METTL25: variants seen among roughly 807,000 people sequenced by gnomAD.
The protein encoded by METTL25 is probable methyltransferase-like protein 25.
A neutral mutation model predicts 71.6 loss-of-function variants in METTL25; 64 were observed. The ratio of observed to expected loss-of-function variants is 0.89; its 90% CI spans 0.73 to 1.10. METTL25 has a LOEUF of 1.10. Ranked by LOEUF, METTL25 falls within the 50% of genes least tolerant of loss-of-function variation. METTL25 has a pLI of 0.00. For synonymous variants in METTL25, 287 were observed against 250.3 expected, an observed-to-expected ratio of 1.15 and a Z score of -1.38; for missense variants, 807 against 707.0, an observed-to-expected ratio of 1.14 and a Z score of -1.60.
chr12:82,382,685 A>G (rs1429340450), intron 1 of METTL25, among the ~76,000 whole-genome samples: 1 of 152,176 alleles, frequency 6.6e-6, no homozygotes, highest in Non-Finnish European at 1.5e-5. Flanking sequence ...AGAGACATTA[A>G]TTATTTTATA....
chr12:82,387,007 AC>A (rs773780314), intron 2 of METTL25, 40 bp downstream of exon 2: 6 of 1,501,270 alleles, frequency 4.0e-6, no homozygotes, highest in Non-Finnish European at 5.5e-6. Context: ...CTTTTTAGGT[AC>A]TTAGAAGCAA....
At chr12:82,368,820 C>A (rs1882867480) in intron 1 of METTL25, among the ~76,000 whole-genome samples, 1 of 152,126 alleles carries the variant, frequency 6.6e-6, no homozygotes, top group African/African-American at 2.4e-5. Context: ...TCTATATAAC[C>A]AGTCAGTGGG....
At chr12:82,447,252 T>C (rs1445000905) in intron 8 of METTL25, among the ~76,000 whole-genome samples, 6 of 152,144 alleles carry the variant, frequency 3.9e-5, no homozygotes, top group Non-Finnish European at 8.8e-5. Flanking sequence ...ATATATATAT[T>C]AGACAAAGTC....
chr12:82,373,080 C>T (rs376722998), intron 1 of METTL25, among the ~76,000 whole-genome samples: 4 of 152,232 alleles, frequency 2.6e-5, no homozygotes, highest in African/African-American at 2.4e-5. Context: ...CAAGAAAAAT[C>T]GGATTTAGTG....
Position 82,477,198 on chromosome 12 carries a change from T to C in METTL25, c.1648-83T>C, listed in dbSNP as rs1038086511. 5.0e-5 allele frequency: 31 copies of C among 623,370 alleles called. No homozygotes were observed. In the Admixed American group the frequency reaches 7.5e-4, roughly 15 times the overall value. The allele number at this position is 623,370 out of a possible 1,614,324, so 38.6% of individuals were successfully genotyped here. The stretch of plus-strand genomic sequence containing the variant: ...CTATATAAACTTCTGTAGATACATT[T>C]ATTTAAACATAAGTTTAAGGAAATA... On this transcript the variant is annotated intron_variant, in intron 10 of 11. Coordinates refer to ENST00000248306, the MANE Select transcript of METTL25 (RefSeq NM_032230.3).
Position 82,398,783 on chromosome 12 carries a change from T to G in METTL25, c.532-12T>G. Reference sequence around the variant, plus strand: ...TAAAATTCTTTAATTTATTCTTTTTTTCTAATCTTAGGTGATTGACTTGGG... The same window carrying G: ...TAAAATTCTTTAATTTATTCTTTTTGTCTAATCTTAGGTGATTGACTTGGG... On this transcript the variant is annotated splice_polypyrimidine_tract_variant and intron_variant, in intron 3 of 11. Transcript: ENST00000248306. 7.0e-7 allele frequency: 1 copy of G among 1,428,586 alleles called. No homozygotes were observed. Among genetic ancestry groups the G allele is most frequent in the Non-Finnish European group, 9.2e-7 (1 of 1,089,606 alleles). The allele number at this position is 1,428,586 out of a possible 1,614,324, so 88.5% of individuals were successfully genotyped here. A position where few individuals can be genotyped will look rare whatever the true frequency, so the allele number is the denominator to read the frequency against.
chr12:82,470,133 A>G (rs1246268886), intron 9 of METTL25, among the ~76,000 whole-genome samples: 1 of 152,188 alleles, frequency 6.6e-6, no homozygotes, highest in Non-Finnish European at 1.5e-5. Flanking sequence ...GAAGACAGAA[A>G]TAGGATTTAA....
chr12:82,409,789 G>C (rs779793014), intron 5 of METTL25, among the ~76,000 whole-genome samples: 2 of 151,948 alleles, frequency 1.3e-5, no homozygotes, highest in Non-Finnish European at 2.9e-5. Context: ...GGGATAAAGA[G>C]GTGATTCTCC....
intron 5 of METTL25, among the ~76,000 whole-genome samples, chr12:82,414,491 A>G (rs1021691898): frequency 6.6e-6 from 1 of 152,176 alleles, no homozygotes; most frequent in South Asian, 2.1e-4. Context: ...TGCGACTAAT[A>G]GAAAGTGGTT....
chr12:82,440,070 T>A (rs1890206999), intron 8 of METTL25, among the ~76,000 whole-genome samples: 1 of 151,982 alleles, frequency 6.6e-6, no homozygotes, highest in Non-Finnish European at 1.5e-5. Context: ...TTGTTTTTTC[T>A]CTAAAATCTC....
At chr12:82,359,765 G>A (rs538364100) in intron 1 of METTL25, among the ~76,000 whole-genome samples, 13 of 152,218 alleles carry the variant, frequency 8.5e-5, no homozygotes, top group Non-Finnish European at 1.3e-4. Context: ...GTAGAATGAT[G>A]GACACCAACA....
chr12:82,410,627 A>G (rs1329040546), intron 5 of METTL25, among the ~76,000 whole-genome samples: 1 of 152,060 alleles, frequency 6.6e-6, no homozygotes, highest in Non-Finnish European at 1.5e-5. Context: ...CACACAAAAT[A>G]AGGGAAATCT....
intron 8 of METTL25, among the ~76,000 whole-genome samples, chr12:82,445,479 C>T (rs901921742): frequency 6.6e-5 from 10 of 152,004 alleles, no homozygotes; most frequent in South Asian, 2.1e-4. Context: ...TCAAGTGTTG[C>T]GAGTATTCGT....
At chr12:82,427,112 A>G (rs570924780) in intron 5 of METTL25, among the ~76,000 whole-genome samples, 2 of 151,934 alleles carry the variant, frequency 1.3e-5, no homozygotes, top group Non-Finnish European at 2.9e-5. Flanking sequence ...TTGCCTATAT[A>G]TACTGCCTCT....
chr12:82,410,495 A>G (rs1887473220), intron 5 of METTL25, among the ~76,000 whole-genome samples: 1 of 152,104 alleles, frequency 6.6e-6, no homozygotes, highest in African/African-American at 2.4e-5. Flanking sequence ...TCAAAACAGC[A>G]TGAATTTGAC....
At chr12:82,397,872 A>T (rs1388955579) in intron 3 of METTL25, among the ~76,000 whole-genome samples, 1 of 152,020 alleles carries the variant, frequency 6.6e-6, no homozygotes, top group Non-Finnish European at 1.5e-5. Context: ...CTGTAGCTAT[A>T]CTACACTGTT....
In METTL25 at chr12:82,476,627, T is replaced by C; in HGVS notation, c.1573-17T>C. 6.6e-7 allele frequency: 1 copy of C among 1,505,178 alleles called. No individual in the cohort carries two copies. Among genetic ancestry groups the C allele is most frequent in the Non-Finnish European group, 9.1e-7 (1 of 1,092,924 alleles). 93.2% of individuals were successfully genotyped at this position (1,505,178 alleles called of 1,614,324 possible). Reference sequence around the variant, plus strand: ...TTTAAACTATCGTTAAATTTATTGTTGTTTTTTATCTTGAAGCTGCCAGAA... The same window carrying C: ...TTTAAACTATCGTTAAATTTATTGTCGTTTTTTATCTTGAAGCTGCCAGAA... On this transcript the variant is annotated splice_polypyrimidine_tract_variant and intron_variant, in intron 9 of 11. Transcript: ENST00000248306.
At chr12:82,463,434 C>A in intron 9 of METTL25, among the ~76,000 whole-genome samples, 1 of 151,952 alleles carries the variant, frequency 6.6e-6, no homozygotes, top group Non-Finnish European at 1.5e-5. Context: ...ATGGCCAAAT[C>A]ATATTTCATT....
At chr12:82,392,718 G>A (rs889128977) in intron 3 of METTL25, among the ~76,000 whole-genome samples, 2 of 152,050 alleles carry the variant, frequency 1.3e-5, no homozygotes, top group Non-Finnish European at 2.9e-5. Context: ...CTAGACCAAT[G>A]TCCTAGAGTG....
Sources: gnomAD v4.1 joint callset for allele counts (sites outside exome capture counted in the v4.1 genomes callset) on GRCh38, gnomAD v4.1.1 for gene constraint, MANE v1.5 for transcripts, NCBI Gene and HGNC (gene_info 2026-07-23, HGNC 2026-07-21) for gene names.